Variants in PITPNM3 observed in about 807,000 individuals in gnomAD.
PITPNM3 encodes the protein PITPNM family member 3.
PITPNM3 carries 26 observed loss-of-function variants against 102.0 expected under a neutral mutation model. The ratio of observed to expected loss-of-function variants is 0.25; its 90% CI spans 0.19 to 0.35. The LOEUF (loss-of-function observed/expected upper bound fraction) is 0.35. Ranked by LOEUF, PITPNM3 falls within the 10% of genes least tolerant of loss-of-function variation. The pLI, the probability that PITPNM3 is intolerant of heterozygous loss-of-function variation, is 1.00. For synonymous variants in PITPNM3, 578 were observed against 558.6 expected, an observed-to-expected ratio of 1.03 and a Z score of -0.49; for missense variants, 1,083 against 1,346.1, an observed-to-expected ratio of 0.80 and a Z score of 3.06.
intron 9 of PITPNM3, among the ~76,000 whole-genome samples, chr17:6,475,876 C>T (rs561674043): frequency 1.5e-4 from 23 of 152,272 alleles, no homozygotes; most frequent in Non-Finnish European, 2.1e-4. Flanking sequence ...CATCTGTCAG[C>T]GGGGCTTTAA....
intron 4 of PITPNM3, among the ~76,000 whole-genome samples, chr17:6,487,640 C>T (rs1265143840): frequency 6.6e-6 from 1 of 152,192 alleles, no homozygotes. Flanking sequence ...CATGAGGGTC[C>T]TGTTGTCTCC....
rs773041518 is a variant in PITPNM3 at position 6,471,228 on chromosome 17, G to T, written c.1557C>A (p.Ser519Arg). The T allele has an allele frequency of 6.2e-7, 1 of 1,613,262 alleles. No homozygotes were observed. The highest frequency in any genetic ancestry group is 2.2e-5 in the East Asian group (1 of 44,878). Residue 519 changes from serine to arginine, a missense_variant, in exon 12 of 20, where the codon AGC becomes AGA. Coordinates refer to ENST00000262483, the MANE Select transcript of PITPNM3 (RefSeq NM_031220.4). ...AGCTCTCGCTGTGGGAGCTCCCCTC[G>T]CTCATCCTCCGTCCTGGGCGCTGGA... Reference protein sequence around the residue: ...SRFQRPGRRMSEGSSHSESSE... With the variant: ...SRFQRPGRRMREGSSHSESSE...
intron 4 of PITPNM3, among the ~76,000 whole-genome samples, chr17:6,489,500 G>GCCCAGGTCACCA (rs1555554112): frequency 4.0e-5 from 6 of 150,406 alleles, no homozygotes; most frequent in Non-Finnish European, 8.9e-5. Flanking sequence ...TGCCTAAACC[G>GCCCAGGTCACCA]GCCCAGGTCA....
intron 1 of PITPNM3, among the ~76,000 whole-genome samples, chr17:6,552,032 C>G (rs1158379155): frequency 6.6e-6 from 1 of 152,194 alleles, no homozygotes; most frequent in Non-Finnish European, 1.5e-5. Flanking sequence ...TTAACGAGGA[C>G]TTGGAACATG....
In PITPNM3 at chr17:6,457,905, C is replaced by T. The variant is rs1302714834; in HGVS notation, c.2491-183G>A. On this transcript the variant is annotated intron_variant, in intron 18 of 19. Coordinates refer to ENST00000262483, the MANE Select transcript of PITPNM3 (RefSeq NM_031220.4). This position sits in a 1 kb window ranked among gnomAD's most constrained non-coding sequence, Gnocchi z 4.7. ...AGAGTGGCTGCCCCTCCCTGCACCCCAGGCCCAACCCAGGTCTCTGCCCAG... is the reference window on the plus strand; with the variant it reads ...AGAGTGGCTGCCCCTCCCTGCACCCTAGGCCCAACCCAGGTCTCTGCCCAG... Among the ~76,000 whole-genome samples, 1 of 151,716 alleles carries T rather than the reference C, an allele frequency of 6.6e-6. No homozygotes were observed. Among genetic ancestry groups the T allele is most frequent in the African/African-American group, 2.4e-5 (1 of 41,264 alleles).
chr17:6,536,919 C>G (rs1014430581), intron 2 of PITPNM3, among the ~76,000 whole-genome samples: 1 of 152,220 alleles, frequency 6.6e-6, no homozygotes, highest in African/African-American at 2.4e-5. Context: ...CCTGGTGCTT[C>G]TCCCCAACTC....
intron 3 of PITPNM3, among the ~76,000 whole-genome samples, chr17:6,510,670 C>A (rs569962543): frequency 6.7e-4 from 102 of 152,350 alleles, no homozygotes; most frequent in Non-Finnish European, 1.4e-3. Flanking sequence ...GCACAGTGAG[C>A]CCCTCACCAC....
At chr17:6,545,834 C>A (rs961956016) in intron 1 of PITPNM3, among the ~76,000 whole-genome samples, 1 of 152,206 alleles carries the variant, frequency 6.6e-6, no homozygotes, top group Non-Finnish European at 1.5e-5. Context: ...CCTGCCTGCC[C>A]CATTGGGCTG....
chr17:6,484,437 C>G, intron 4 of PITPNM3, 145 bp from the exon 5 acceptor site: 1 of 801,280 alleles, frequency 1.2e-6, no homozygotes, highest in Non-Finnish European at 2.1e-6. Flanking sequence ...GGGAGAGTCA[C>G]CCCATCCAGG....
chr17:6,533,160 C>T (rs1383435168), intron 2 of PITPNM3, among the ~76,000 whole-genome samples: 1 of 151,854 alleles, frequency 6.6e-6, no homozygotes, highest in East Asian at 1.9e-4. Flanking sequence ...CAGGGTTTCT[C>T]CATGTTGATC....
rs55984944 is a variant in PITPNM3, at chr17:6,451,892, C to CCCCCCA, written c.*3445_*3446insTGGGGG. ...ACCCAAACCCCCCCCCCCCGCCCGC[C>CCCCCCA]GATGGGATTCGGTGGGAAAGTTGGT... On this transcript the variant is annotated 3_prime_UTR_variant, in exon 20 of 20. Coordinates refer to ENST00000262483, the MANE Select transcript of PITPNM3 (RefSeq NM_031220.4). 1.9e-4 allele frequency: 18 copies of CCCCCCA among 94,492 alleles called. No individual in the cohort carries two copies. Among genetic ancestry groups the CCCCCCA allele is most frequent in the Middle Eastern group, 7.9e-3 (1 of 126 alleles). 5.9% of individuals were successfully genotyped at this position (94,492 alleles called of 1,614,324 possible).
intron 1 of PITPNM3, among the ~76,000 whole-genome samples, chr17:6,549,875 G>T (rs1340534673): frequency 6.6e-6 from 1 of 152,158 alleles, no homozygotes; most frequent in Non-Finnish European, 1.5e-5. Context: ...GTGATGGCCT[G>T]CCAGGAGGCA....
intron 1 of PITPNM3, among the ~76,000 whole-genome samples, chr17:6,552,836 G>A (rs1324580981): frequency 3.5e-5 from 5 of 144,136 alleles, no homozygotes; most frequent in African/African-American, 1.3e-4. Flanking sequence ...GCACGATCTC[G>A]GCTCACTGCA....
At chr17:6,492,614 T>C (rs1906562156) in intron 4 of PITPNM3, among the ~76,000 whole-genome samples, 1 of 152,056 alleles carries the variant, frequency 6.6e-6, no homozygotes, top group African/African-American at 2.4e-5. Flanking sequence ...CCCAGCACTT[T>C]GGGAGGCCAA....
intron 3 of PITPNM3, among the ~76,000 whole-genome samples, chr17:6,523,087 C>T (rs779056767): frequency 3.3e-5 from 5 of 152,180 alleles, no homozygotes; most frequent in Non-Finnish European, 7.3e-5. Context: ...TCTCTCCTCT[C>T]TTCTTCCCGC....
In PITPNM3 at chr17:6,507,781, G is replaced by A. The variant is rs902252313; in HGVS notation, c.227-4207C>T. On this transcript the variant is annotated intron_variant, in intron 3 of 19. Transcript: ENST00000262483. ...GAGGACTCCAGCGCAGGGAGGAGCC[G>A]GGTCTGAGTCATTACCTCCACATTC... Among the ~76,000 whole-genome samples, 6 of 152,118 alleles carry A rather than the reference G, an allele frequency of 3.9e-5. 1 individual carries two copies. The South Asian group carries it at 6.2e-4, about 16-fold the overall frequency.
At chr17:6,474,403 C>T (rs1306485006) in intron 10 of PITPNM3, 29 bp downstream of exon 10, 1 of 1,610,406 alleles carries the variant, frequency 6.2e-7, no homozygotes, top group African/African-American at 1.3e-5. Context: ...CGCACAGGCA[C>T]CTCAGGCCCC....
intron 3 of PITPNM3, among the ~76,000 whole-genome samples, chr17:6,518,182 A>G (rs1908295212): frequency 6.6e-6 from 1 of 152,220 alleles, no homozygotes; most frequent in Non-Finnish European, 1.5e-5. Flanking sequence ...TTAACAAGAA[A>G]AAAATCTATT....
intron 1 of PITPNM3, among the ~76,000 whole-genome samples, chr17:6,548,950 A>G (rs1910170180): frequency 6.6e-6 from 1 of 152,120 alleles, no homozygotes; most frequent in Admixed American, 6.5e-5. Context: ...TCCTTCCAGA[A>G]GAATGGGTCA....
Sources: gnomAD v4.1 joint callset for allele counts (sites outside exome capture counted in the v4.1 genomes callset) on GRCh38, gnomAD v4.1.1 for gene constraint, Gnocchi (gnomAD v3.1) non-coding constraint, MANE v1.5 for transcripts, NCBI Gene and HGNC (gene_info 2026-07-23, HGNC 2026-07-21) for gene names.